Variants in SBNO1 observed in about 807,000 individuals in gnomAD.
SBNO1 encodes the protein protein strawberry notch homolog 1.
In SBNO1, 23 loss-of-function variants were observed where a neutral mutation model predicts 173.6. That is an observed-to-expected ratio of 0.13 (90% CI 0.10 to 0.19). The LOEUF (loss-of-function observed/expected upper bound fraction) is 0.19. Ranked by LOEUF, SBNO1 falls within the 10% of genes least tolerant of loss-of-function variation. SBNO1 has a pLI of 1.00. For missense variants in SBNO1, 1,238 were observed against 1,671.2 expected, an observed-to-expected ratio of 0.74 and a Z score of 4.52; for synonymous variants, 632 against 571.5, an observed-to-expected ratio of 1.11 and a Z score of -1.51.
chr12:123,314,095 C>T (rs894699846), intron 23 of SBNO1, among the ~76,000 whole-genome samples: 12 of 152,124 alleles, frequency 7.9e-5, no homozygotes, highest in African/African-American at 2.9e-4. Context: ...TCAACAAAAC[C>T]CCAAAAAACC....
At chr12:123,305,268 T>C (rs551450102) in intron 28 of SBNO1, among the ~76,000 whole-genome samples, 11 of 152,308 alleles carry the variant, frequency 7.2e-5, no homozygotes, top group African/African-American at 2.6e-4. Context: ...TCCTCTGCAC[T>C]TGTCTACTCC....
intron 10 of SBNO1, among the ~76,000 whole-genome samples, chr12:123,328,374 C>T (rs1398823924): frequency 6.6e-6 from 1 of 152,146 alleles, no homozygotes; most frequent in African/African-American, 2.4e-5. Context: ...TCATGCAGGA[C>T]AGTTAAAAGA....
At position 123,317,411 on chromosome 12, in the gene SBNO1, G is replaced by C. The variant is rs1869413673; in HGVS notation, c.2800-55C>G. ...CTTTTGCATAAGAACAAGCAGGCCAGTGCCTTAAATGAAGTCCTTCAGCAG... is the reference window on the plus strand; with the variant it reads ...CTTTTGCATAAGAACAAGCAGGCCACTGCCTTAAATGAAGTCCTTCAGCAG... On this transcript the variant is annotated intron_variant, in intron 20 of 31. Coordinates refer to ENST00000602398, the MANE Select transcript of SBNO1 (RefSeq NM_001167856.3). The C allele has an allele frequency of 7.7e-6, 12 of 1,553,966 alleles. No homozygotes were observed. The South Asian group carries it at 1.1e-4, about 15-fold the overall frequency.
intron 1 of SBNO1, 46 bp from the exon 2 acceptor site, chr12:123,350,487 C>A (rs1354441804): frequency 1.4e-6 from 2 of 1,390,968 alleles, no homozygotes; most frequent in East Asian, 2.3e-5. Context: ...CAAAAAGTGA[C>A]AAATATTAAC....
chr12:123,344,877 T>G (rs1178430764), intron 4 of SBNO1, among the ~76,000 whole-genome samples: 5 of 152,110 alleles, frequency 3.3e-5, no homozygotes, highest in African/African-American at 1.2e-4. Context: ...TGTAGAATTG[T>G]GGGCTCTACT....
Position 123,341,020 on chromosome 12 carries a change from C to T in SBNO1, c.619G>A (p.Asp207Asn), listed in dbSNP as rs200883855. 2.1e-5 allele frequency: 34 copies of T among 1,601,524 alleles called. No individual in the cohort carries two copies. The highest frequency in any genetic ancestry group is 2.9e-5 in the Non-Finnish European group (34 of 1,172,686). The change falls in exon 5 of 32, where the codon GAC (aspartate) becomes AAC (asparagine). Residue 207 changes from aspartate to asparagine, a missense_variant. Coordinates refer to ENST00000602398, the MANE Select transcript of SBNO1 (RefSeq NM_001167856.3). ...GGGGAAAAACTCCTCATCTTCATGT[C>T]GTTTATCCACATTCTAGCTCCTTCT... ...NKEGARMWINDMKMRSFSPTM... is the reference protein window; with the variant it reads ...NKEGARMWINNMKMRSFSPTM...
At chr12:123,299,694 A>AC (rs886797801) in intron 30 of SBNO1, among the ~76,000 whole-genome samples, 5 of 150,714 alleles carry the variant, frequency 3.3e-5, no homozygotes, top group African/African-American at 9.7e-5. Flanking sequence ...AAAAAAAAAA[A>AC]AAAAACAAAA....
rs2048507208 is a variant in SBNO1, at chr12:123,291,267, G to C, written c.*4641C>G. 1.3e-5 allele frequency: 2 copies of C among 152,174 alleles called. No individual in the cohort carries two copies. Among genetic ancestry groups the C allele is most frequent in the Non-Finnish European group, 2.9e-5 (2 of 68,024 alleles). The allele number at this position is 152,174 out of a possible 1,614,324, so 9.4% of individuals were successfully genotyped here. ...AGAAACCACTGTTTCAAATCTGCAA[G>C]ATTTTCCTATCAGGTGGGAAGACAG... On this transcript the variant is annotated 3_prime_UTR_variant, in exon 32 of 32. Transcript: ENST00000602398.
intron 30 of SBNO1, 91 bp from the exon 31 acceptor site, chr12:123,298,262 TTTC>T: frequency 7.9e-7 from 1 of 1,268,680 alleles, no homozygotes; most frequent in Non-Finnish European, 1.1e-6. Context: ...TCAAATTTCT[TTTC>T]TTTTCTTTTT....
At chr12:123,354,868 CA>C (rs36096880) in intron 1 of SBNO1, among the ~76,000 whole-genome samples, 148,611 of 152,018 alleles carry the variant, frequency 0.98, 72,658 homozygotes, top group East Asian at 1. Context: ...AAACAATGGA[CA>C]AAAAAAAGAG....
At chr12:123,336,601 A>G in intron 5 of SBNO1, 110 bp from the exon 6 acceptor site, 1 of 665,158 alleles carries the variant, frequency 1.5e-6, no homozygotes, top group South Asian at 1.9e-5. Context: ...TCATGGAAAC[A>G]TGACGCGCCA....
At chr12:123,306,091 T>C (rs990371299) in intron 28 of SBNO1, among the ~76,000 whole-genome samples, 2 of 152,220 alleles carry the variant, frequency 1.3e-5, no homozygotes, top group African/African-American at 4.8e-5. Context: ...GTCTCTTACT[T>C]TTTCCAACGA....
At chr12:123,297,932 T>A in intron 31 of SBNO1, 46 bp downstream of exon 31, 1 of 1,571,572 alleles carries the variant, frequency 6.4e-7, no homozygotes, top group Non-Finnish European at 8.7e-7. Flanking sequence ...AAAAGTCGGA[T>A]CCGATTTTTT....
intron 4 of SBNO1, among the ~76,000 whole-genome samples, chr12:123,343,860 T>C (rs1872817139): frequency 6.6e-6 from 1 of 152,154 alleles, no homozygotes; most frequent in Non-Finnish European, 1.5e-5. Flanking sequence ...AGTCCTGACC[T>C]AGCTTGACAG....
intron 16 of SBNO1, 76 bp from the exon 17 acceptor site, chr12:123,321,808 T>C: frequency 8.4e-7 from 1 of 1,189,536 alleles, no homozygotes; most frequent in Non-Finnish European, 1.2e-6. Context: ...ATTTAGTTCA[T>C]GAATTAATTC....
chr12:123,309,152 AT>A (rs2048994474), intron 28 of SBNO1, among the ~76,000 whole-genome samples, 157 bp downstream of exon 28: 1 of 152,222 alleles, frequency 6.6e-6, no homozygotes, highest in South Asian at 2.1e-4. Context: ...AAGTAAAAAC[AT>A]AACACAAATG....
Position 123,320,920 on chromosome 12 carries a change from T to C in SBNO1, c.2324-54A>G, listed in dbSNP as rs1869882314. On this transcript the variant is annotated intron_variant, in intron 17 of 31. Transcript: ENST00000602398. ...ATCATTTGTTAAAACAAGTACAGAA[T>C]CTTCAAAGGAAACAACCTTTGAAAT... The C allele has an allele frequency of 4.5e-6, 6 of 1,344,864 alleles. No individual in the cohort carries two copies. The East Asian group carries it at 9.6e-5, about 22-fold the overall frequency. The allele number at this position is 1,344,864 out of a possible 1,614,324, so 83.3% of individuals were successfully genotyped here. A position where few individuals can be genotyped will look rare whatever the true frequency, so the allele number is the denominator to read the frequency against.
At chr12:123,354,924 T>G (rs1282905819) in intron 1 of SBNO1, among the ~76,000 whole-genome samples, 1 of 152,156 alleles carries the variant, frequency 6.6e-6, no homozygotes, top group Non-Finnish European at 1.5e-5. Context: ...GTGCGGTGAC[T>G]CACACCTATA....
intron 31 of SBNO1, 53 bp downstream of exon 31, chr12:123,297,925 A>T: frequency 1.3e-6 from 2 of 1,543,980 alleles, no homozygotes; most frequent in Non-Finnish European, 1.8e-6. Context: ...ATGAGAAAAA[A>T]GTCGGATCCG....
Sources: gnomAD v4.1 joint callset for allele counts (sites outside exome capture counted in the v4.1 genomes callset) on GRCh38, gnomAD v4.1.1 for gene constraint, MANE v1.5 for transcripts, NCBI Gene and HGNC (gene_info 2026-07-23, HGNC 2026-07-21) for gene names.